The following ANKRD10 variants were observed in gnomAD, a reference collection of about 807,000 sequenced individuals.
ANKRD10 encodes the protein ankyrin repeat domain-containing protein 10.
In ANKRD10, 14 loss-of-function variants were observed where a neutral mutation model predicts 27.0. The observed-to-expected ratio is 0.52, with a 90% CI of 0.34 to 0.81. The LOEUF is 0.81. Ranked by LOEUF, ANKRD10 falls within the 40% of genes least tolerant of loss-of-function variation. The probability of loss-of-function intolerance (pLI) is 0.01; values close to 1 mark genes in which losing one functional copy is unlikely to be tolerated. For synonymous variants in ANKRD10, 250 were observed against 224.5 expected, an observed-to-expected ratio of 1.11 and a Z score of -1.01; for missense variants, 493 against 544.0, an observed-to-expected ratio of 0.91 and a Z score of 0.93.
At chr13:110,903,047 A>G (rs2065428246) in intron 3 of ANKRD10, among the ~76,000 whole-genome samples, 1 of 152,238 alleles carries the variant, frequency 6.6e-6, no homozygotes, top group Admixed American at 6.5e-5. Flanking sequence ...TTTTTCCAAA[A>G]TCACATTAAG....
intron 4 of ANKRD10, among the ~76,000 whole-genome samples, chr13:110,888,432 G>C (rs932883751): frequency 6.6e-6 from 1 of 152,022 alleles, no homozygotes; most frequent in African/African-American, 2.4e-5. Context: ...ACACAATTAG[G>C]TAGGTGTGTT....
chr13:110,895,229 C>T (rs1316238316), intron 3 of ANKRD10: 2 of 152,208 alleles, frequency 1.3e-5, no homozygotes, highest in African/African-American at 4.8e-5. Flanking sequence ...GTAAAGATTA[C>T]TCTTTAGTGG....
chr13:110,891,086 T>C (rs527251650), intron 4 of ANKRD10, among the ~76,000 whole-genome samples: 347 of 152,320 alleles, frequency 2.3e-3, no homozygotes, highest in Non-Finnish European at 2.4e-3. Context: ...TGATCTCTTT[T>C]TAAAAATACT....
chr13:110,906,114 C>T lies in ANKRD10; in HGVS notation c.374G>A (p.Gly125Asp). ...GANINKPDCEGETPIHKAARS... is the reference protein window; with the variant it reads ...GANINKPDCEDETPIHKAARS... ...AGCTGCCTTGTGAATGGGAGTTTCA[C>T]CCTCACAATCCTGAAACAACAAAAA... The change falls in exon 3 of 6, where the codon GGT (glycine) becomes GAT (aspartate). Residue 125 changes from glycine (G) to aspartate (D), a missense_variant. Physicochemically the swap from Gly to Asp is moderately conservative, Grantham distance 94. Coordinates refer to ENST00000267339, the MANE Select transcript of ANKRD10 (RefSeq NM_017664.4). The T allele has an allele frequency of 6.3e-7, 1 of 1,598,520 alleles. No homozygotes were observed. The highest frequency in any genetic ancestry group is 8.5e-7 in the Non-Finnish European group (1 of 1,171,956).
At chr13:110,881,180 C>T (rs2064810030) in intron 5 of ANKRD10, among the ~76,000 whole-genome samples, 1 of 152,212 alleles carries the variant, frequency 6.6e-6, no homozygotes, top group Non-Finnish European at 1.5e-5. Context: ...CTCGGTAATA[C>T]TAGATTTTAT....
Position 110,915,058 on chromosome 13 carries a change from A to G in ANKRD10, c.-124T>C. 1 of 1,413,734 alleles carries G rather than the reference A, an allele frequency of 7.1e-7. No homozygotes were observed. Among genetic ancestry groups the G allele is most frequent in the Non-Finnish European group, 9.2e-7 (1 of 1,088,862 alleles). 87.6% of individuals were successfully genotyped at this position (1,413,734 alleles called of 1,614,324 possible). A position where few individuals can be genotyped will look rare whatever the true frequency, so the allele number is the denominator to read the frequency against. On this transcript the variant is annotated 5_prime_UTR_variant, in exon 1 of 6. Transcript: ENST00000267339. ...CGCGGTCGCGTCCCACAGGCTGCCG[A>G]GCGGAGCGCGCACAGAGGGGGCGGG... is the stretch of plus-strand genomic sequence containing the variant.
rs151032452 is a variant in ANKRD10, at chr13:110,910,708, G to A, written c.273C>T (p.Tyr91=). The change falls in exon 2 of 6, where the codon TAC becomes TAT. Residue 91 remains tyrosine, a synonymous_variant. Coordinates refer to ENST00000267339, the MANE Select transcript of ANKRD10 (RefSeq NM_017664.4). ...CTGCAATGTGGGCTGGCGTCTGCGC[G>A]TACCGTGTGGTGGAGACGTTGAGTG... The part of the protein sequence containing the change: ...GATLNVSTTR[Y]AQTPAHIAAF... The A allele has an allele frequency of 2.9e-5, 47 of 1,614,028 alleles. No homozygotes were observed. The highest frequency in any genetic ancestry group is 3.6e-5 in the Non-Finnish European group (42 of 1,180,020).
At chr13:110,911,265 C>A (rs550940840) in intron 1 of ANKRD10, among the ~76,000 whole-genome samples, 1 of 151,534 alleles carries the variant, frequency 6.6e-6, no homozygotes, top group African/African-American at 2.4e-5. Flanking sequence ...GCCTGGCCAA[C>A]ATGGTGAAAC....
At position 110,893,220 on chromosome 13, in the gene ANKRD10, T is replaced by C. The variant is rs778250441; in HGVS notation, c.499A>G (p.Thr167Ala). The change falls in exon 4 of 6, where the codon ACC (threonine) becomes GCC (alanine). Residue 167 changes from threonine (T) to alanine (A), a missense_variant. Coordinates refer to ENST00000267339, the MANE Select transcript of ANKRD10 (RefSeq NM_017664.4). ...TGGGCACACTCTTGGAAACCCTGGG[T>C]TTGTGCAATGTCTGCTGCTGTCAGG... ...SGLTAADIAQTQGFQECAQFL... is the reference protein window; with the variant it reads ...SGLTAADIAQAQGFQECAQFL... 2 of 1,614,150 alleles carry C rather than the reference T, an allele frequency of 1.2e-6. No homozygotes were observed. Among genetic ancestry groups the C allele is most frequent in the Non-Finnish European group, 1.7e-6 (2 of 1,180,018 alleles).
chr13:110,892,801 A>G (rs1246016443), intron 4 of ANKRD10: 1 of 1,275,200 alleles, frequency 7.8e-7, no homozygotes, highest in African/African-American at 1.5e-5. Flanking sequence ...AGTTCCACAT[A>G]GACATTTACA....
chr13:110,895,008 A>G (rs142822111), intron 3 of ANKRD10: 1 of 152,224 alleles, frequency 6.6e-6, no homozygotes, highest in Non-Finnish European at 1.5e-5. Context: ...TCAGAAGTGC[A>G]GATGACCTGG....
intron 3 of ANKRD10, among the ~76,000 whole-genome samples, chr13:110,893,908 T>C (rs894805344): frequency 6.6e-6 from 1 of 152,206 alleles, no homozygotes; most frequent in African/African-American, 2.4e-5. Context: ...ATTTGAGTAG[T>C]TGGTTCCTTT....
Position 110,888,031 on chromosome 13 carries a change from T to C in ANKRD10, c.692-4238A>G, listed in dbSNP as rs150467770. Among the ~76,000 whole-genome samples the C allele has an allele frequency of 2.9e-3, 443 of 152,272 alleles. 2 individuals carry two copies. The highest frequency in any genetic ancestry group is 6.8e-3 in the Middle Eastern group (2 of 294). On this transcript the variant is annotated intron_variant, in intron 4 of 5. Coordinates refer to ENST00000267339, the MANE Select transcript of ANKRD10 (RefSeq NM_017664.4). ...TTTTAAGGTCCTGTTAAAACCAAAT[T>C]GTTTTTCTATTATGAGGTGACCTTT...
intron 4 of ANKRD10, among the ~76,000 whole-genome samples, chr13:110,886,533 A>G (rs1172553245): frequency 1.3e-5 from 2 of 152,182 alleles, no homozygotes; most frequent in African/African-American, 2.4e-5. Flanking sequence ...GTAGCTATAC[A>G]TAAGTTAATT....
chr13:110,908,934 C>T (rs933122399), intron 2 of ANKRD10, among the ~76,000 whole-genome samples: 1 of 152,082 alleles, frequency 6.6e-6, no homozygotes, highest in Non-Finnish European at 1.5e-5. Context: ...ACAGGGAGGG[C>T]TGAAAAGAAA....
intron 3 of ANKRD10, among the ~76,000 whole-genome samples, chr13:110,897,809 C>T (rs1476444955): frequency 1.3e-5 from 2 of 152,140 alleles, no homozygotes; most frequent in African/African-American, 4.8e-5. Context: ...GTCTACATTC[C>T]CACTAACAGT....
intron 3 of ANKRD10, chr13:110,900,843 A>C (rs778525569): frequency 1.2e-5 from 5 of 421,742 alleles, no homozygotes; most frequent in Non-Finnish European, 1.3e-5. Flanking sequence ...TAGACAACAT[A>C]AGGTGCAGAA....
chr13:110,914,583 G>A (rs983312857), intron 1 of ANKRD10, 142 bp downstream of exon 1: 3 of 1,271,932 alleles, frequency 2.4e-6, no homozygotes, highest in Admixed American at 3.3e-5. Flanking sequence ...GGCGCCCTAG[G>A]CCCCTCGGGG....
chr13:110,900,385 T>C, intron 3 of ANKRD10: 1 of 410,686 alleles, frequency 2.4e-6, no homozygotes, highest in South Asian at 8.1e-5. Flanking sequence ...AATATTTCTG[T>C]TAAAATTCTG....
Sources: gnomAD v4.1 joint callset for allele counts (sites outside exome capture counted in the v4.1 genomes callset) on GRCh38, gnomAD v4.1.1 for gene constraint, MANE v1.5 for transcripts, NCBI Gene and HGNC (gene_info 2026-07-23, HGNC 2026-07-21) for gene names.